Variants in PRRC2B observed in about 807,000 individuals in gnomAD.
PRRC2B encodes protein PRRC2B.
PRRC2B carries 68 observed loss-of-function variants against 242.3 expected under a neutral mutation model. That is an observed-to-expected ratio of 0.28 (90% CI 0.23 to 0.34). The LOEUF (loss-of-function observed/expected upper bound fraction) is 0.34, where lower values mean the gene tolerates loss of function less well. Among genes scored for constraint, PRRC2B ranks in the 10% least tolerant of loss-of-function variants. PRRC2B has a pLI of 1.00. For synonymous variants in PRRC2B, 1,228 were observed against 1,173.6 expected, an observed-to-expected ratio of 1.05 and a Z score of -0.95; for missense variants, 2,835 against 2,954.8, an observed-to-expected ratio of 0.96 and a Z score of 0.94.
chr9:131,429,575 AT>A (rs1186188184), intron 1 of PRRC2B, among the ~76,000 whole-genome samples: 3 of 151,994 alleles, frequency 2.0e-5, no homozygotes, highest in Non-Finnish European at 2.9e-5. Context: ...ATACTTGATT[AT>A]TTCTGAAGGA....
chr9:131,430,561 ATGTGTGTGTGTGTG>A (rs200517031), intron 2 of PRRC2B, among the ~76,000 whole-genome samples: 1 of 118,718 alleles, frequency 8.4e-6, no homozygotes, highest in Non-Finnish European at 1.7e-5. Flanking sequence ...GTGTGTGTGT[ATGTGTGTGTGTGTG>A]TGTGTGTGTG....
intron 20 of PRRC2B, among the ~76,000 whole-genome samples, 163 bp downstream of exon 20, chr9:131,481,971 A>G (rs185612429): frequency 6.6e-6 from 1 of 152,324 alleles, no homozygotes; most frequent in East Asian, 1.9e-4. Flanking sequence ...GTGGTTTTCC[A>G]TCTTGATTTC....
At chr9:131,426,731 G>C (rs552473665) in intron 1 of PRRC2B, among the ~76,000 whole-genome samples, 2 of 152,170 alleles carry the variant, frequency 1.3e-5, no homozygotes, top group African/African-American at 4.8e-5. Context: ...AGGTAACTTG[G>C]GGGCAGTGAG....
chr9:131,447,037 A>G (rs1397371324), intron 7 of PRRC2B, 48 bp from the exon 8 acceptor site: 1 of 1,609,932 alleles, frequency 6.2e-7, no homozygotes, highest in Non-Finnish European at 8.5e-7. Context: ...TGGAAATTGC[A>G]GTTTCAGCCA....
intron 17 of PRRC2B, 81 bp downstream of exon 17, chr9:131,478,030 C>T: frequency 1.5e-6 from 2 of 1,294,422 alleles, no homozygotes; most frequent in Non-Finnish European, 2.2e-6. Flanking sequence ...CCGAGTTTGC[C>T]CTTGCACTGA....
At chr9:131,390,064 G>A (rs957489617), upstream of PRRC2B, among the ~76,000 whole-genome samples, 9 of 149,196 alleles carry the variant, frequency 6.0e-5, 1 homozygote, top group East Asian at 4.0e-4. Flanking sequence ...ACAGGTGCCC[G>A]CCACCACGCC....
intron 1 of PRRC2B, among the ~76,000 whole-genome samples, chr9:131,398,297 T>C (rs1426021021): frequency 6.6e-6 from 1 of 152,224 alleles, no homozygotes; most frequent in African/African-American, 2.4e-5. Context: ...GAAGTTGTGG[T>C]TGAGCTTTGT....
Position 131,494,308 on chromosome 9 carries a change from C to CCCTT in PRRC2B, c.6474-88_6474-85dup. 1.5e-6 allele frequency: 1 copy of CCCTT among 676,692 alleles called. No homozygotes were observed. The highest frequency in any genetic ancestry group is 2.6e-6 in the Non-Finnish European group (1 of 383,708). 41.9% of individuals were successfully genotyped at this position (676,692 alleles called of 1,614,324 possible). Reference sequence around the variant, plus strand: ...CCGAGTGAGCGCCTCTGGCCGCAGGCCCTTCCTTCCTTGTGCCTCCTCCAT... The same window carrying CCCTT: ...CCGAGTGAGCGCCTCTGGCCGCAGGCCCTTCCTTCCTTCCTTGTGCCTCCTCCAT... On this transcript the variant is annotated intron_variant, in intron 30 of 31. Transcript: ENST00000683519. This position sits in a 1 kb window ranked among gnomAD's most constrained non-coding sequence, Gnocchi z 4.3.
intron 1 of PRRC2B, among the ~76,000 whole-genome samples, chr9:131,397,020 A>T (rs1327576846): frequency 6.6e-6 from 1 of 151,430 alleles, no homozygotes; most frequent in Non-Finnish European, 1.5e-5. Context: ...AAAATGTGGC[A>T]CCCCCTCCAG....
At chr9:131,434,786 G>T (rs1210151966) in intron 3 of PRRC2B, among the ~76,000 whole-genome samples, 1 of 152,154 alleles carries the variant, frequency 6.6e-6, no homozygotes, top group Non-Finnish European at 1.5e-5. Flanking sequence ...TGCCTACTGT[G>T]ACCGGAGCGC....
intron 1 of PRRC2B, among the ~76,000 whole-genome samples, chr9:131,377,993 C>T (rs1032517640): frequency 1.3e-5 from 2 of 152,108 alleles, no homozygotes; most frequent in Non-Finnish European, 2.9e-5. Flanking sequence ...TGGGCCCAAG[C>T]GATCTTCCTA....
chr9:131,465,313 T>C (rs1943362145), intron 12 of PRRC2B, among the ~76,000 whole-genome samples: 2 of 152,188 alleles, frequency 1.3e-5, no homozygotes, highest in South Asian at 2.1e-4. Flanking sequence ...GTACATTGTG[T>C]GATGCTGAGA....
intron 1 of PRRC2B, among the ~76,000 whole-genome samples, chr9:131,404,003 ACTC>A (rs1194212151): frequency 6.6e-6 from 1 of 151,756 alleles, no homozygotes; most frequent in Middle Eastern, 3.4e-3. Context: ...CTTGTCTTGA[ACTC>A]CTGGCCTCAA....
Position 131,475,445 on chromosome 9 carries a change from A to C in PRRC2B, c.3316A>C (p.Ser1106Arg), listed in dbSNP as rs908183601. Reference protein sequence around the residue: ...ARSIYCSSQRSGRGRGLREFA... With the variant: ...ARSIYCSSQRRGRGRGLREFA... ...CAGCATCTACTGCAGCAGTCAGCGC[A>C]GCGGCCGTGGCCGGGGCCTGCGAGA... is the stretch of plus-strand genomic sequence containing the variant. Residue 1106 changes from serine to arginine, a missense_variant, in exon 16 of 32, where the codon AGC becomes CGC. Physicochemically the swap from Ser to Arg is moderately radical, Grantham distance 110. Transcript: ENST00000683519. The C allele has an allele frequency of 3.8e-6, 6 of 1,582,094 alleles. No individual in the cohort carries two copies. Among genetic ancestry groups the C allele is most frequent in the Non-Finnish European group, 5.2e-6 (6 of 1,163,852 alleles).
In PRRC2B at chr9:131,474,544, G is replaced by A. The variant is rs1943633239; in HGVS notation, c.2415G>A (p.Leu805=). Residue 805 remains leucine (L), a synonymous_variant, in exon 16 of 32, where the codon TTG becomes TTA. Coordinates refer to ENST00000683519, the MANE Select transcript of PRRC2B (RefSeq NM_013318.4). The part of the protein sequence containing the change: ...DLFEERGEEY[L]SAFDKKAQAD... ...TTGAGGAGAGAGGGGAGGAGTACTT[G>A]AGTGCTTTTGACAAGAAGGCCCAAG... 1 of 1,613,854 alleles carries A rather than the reference G, an allele frequency of 6.2e-7. No individual in the cohort carries two copies. Among genetic ancestry groups the A allele is most frequent in the Non-Finnish European group, 8.5e-7 (1 of 1,179,906 alleles).
At chr9:131,390,476 C>CTTTTTTTT (rs10688559), upstream of PRRC2B, among the ~76,000 whole-genome samples, 2 of 41,226 alleles carry the variant, frequency 4.9e-5, no homozygotes, top group East Asian at 8.9e-4. Flanking sequence ...CCTAGCTTGC[C>CTTTTTTTT]TTTTTTTTTT....
At position 131,419,657 on chromosome 9, in the gene PRRC2B, CTT is replaced by C. The variant is rs1837745650; in HGVS notation, c.-51-10436_-51-10435del. 4.4e-5 allele frequency among the ~76,000 whole-genome samples: 6 copies of C among 135,662 alleles called. No homozygotes were observed. In the South Asian group the frequency reaches 1.3e-3, roughly 30 times the overall value. The allele number at this position is 135,662 out of a possible 152,430, so 89.0% of individuals were successfully genotyped here. Reference sequence around the variant, plus strand: ...GGTCAAGTGCGGGGGTCTTTGTTCTCTTGTTTATTCCTTACAGCAGACCTGGG... The same window carrying C: ...GGTCAAGTGCGGGGGTCTTTGTTCTCGTTTATTCCTTACAGCAGACCTGGG... On this transcript the variant is annotated intron_variant, in intron 1 of 31. Coordinates refer to ENST00000683519, the MANE Select transcript of PRRC2B (RefSeq NM_013318.4).
intron 9 of PRRC2B, among the ~76,000 whole-genome samples, chr9:131,448,543 C>CCAAAAAAAAAAAAAA (rs1838883733): frequency 7.5e-5 from 3 of 39,874 alleles, no homozygotes; most frequent in African/African-American, 1.7e-4. Context: ...GACACTGTCT[C>CCAAAAAAAAAAAAAA]AAAAAAAAAA....
intron 1 of PRRC2B, among the ~76,000 whole-genome samples, chr9:131,422,462 G>A (rs1038784314): frequency 1.3e-5 from 2 of 152,230 alleles, no homozygotes; most frequent in Admixed American, 6.5e-5. Flanking sequence ...TAGAGCACAT[G>A]AGGGCTTAGC....
Sources: allele counts gnomAD v4.1 joint callset (sites outside exome capture counted in the v4.1 genomes callset), GRCh38; gene constraint gnomAD v4.1.1; non-coding constraint Gnocchi (gnomAD v3.1); transcripts MANE v1.5; gene names NCBI Gene and HGNC (gene_info 2026-07-23, HGNC 2026-07-21).